Variants in EGFLAM observed in about 807,000 individuals in gnomAD.
EGFLAM encodes EGF like, fibronectin type III and laminin G domains, also known as pikachurin.
In EGFLAM, 79 loss-of-function variants were observed where a neutral mutation model predicts 113.1. That is an observed-to-expected ratio of 0.70 (90% CI 0.58 to 0.84). The LOEUF is 0.84. Among genes scored for constraint, EGFLAM ranks in the 40% least tolerant of loss-of-function variants. The probability of loss-of-function intolerance (pLI) is 0.00; values close to 1 mark genes in which losing one functional copy is unlikely to be tolerated. For synonymous variants in EGFLAM, 504 were observed against 487.6 expected, an observed-to-expected ratio of 1.03 and a Z score of -0.44; for missense variants, 1,265 against 1,291.6, an observed-to-expected ratio of 0.98 and a Z score of 0.32.
chr5:38,433,602 G>A lies in EGFLAM; in HGVS notation c.2167-1535G>A, dbSNP rs139308704. Among the ~76,000 whole-genome samples the A allele has an allele frequency of 2.9e-3, 445 of 152,338 alleles. 3 individuals are homozygous for A. The highest frequency in any genetic ancestry group is 0.01 in the African/African-American group (416 of 41,572). ...CAAAAGGAACTGCTCCTCACTCCAC[G>A]AGGCCCCGCTGCTGGACACAGCCAT... is the stretch of plus-strand genomic sequence containing the variant. On this transcript the variant is annotated intron_variant, in intron 15 of 21. Transcript: ENST00000322350.
chr5:38,292,636 G>A (rs1166716541), intron 1 of EGFLAM, among the ~76,000 whole-genome samples: 1 of 152,046 alleles, frequency 6.6e-6, no homozygotes, highest in Non-Finnish European at 1.5e-5. Context: ...GTACCCACCT[G>A]TACACATAGA....
At chr5:38,281,827 C>T (rs1758029757) in intron 1 of EGFLAM, among the ~76,000 whole-genome samples, 1 of 152,214 alleles carries the variant, frequency 6.6e-6, no homozygotes, top group Non-Finnish European at 1.5e-5. Flanking sequence ...GTGCTTGATA[C>T]ACTGTAGCTG....
chr5:38,430,215 C>G (rs570665081), intron 14 of EGFLAM: 2 of 156,348 alleles, frequency 1.3e-5, no homozygotes, highest in African/African-American at 2.4e-5. Flanking sequence ...ATTTTTTATG[C>G]GTTTCAAAGT....
At position 38,412,534 on chromosome 5, in the gene EGFLAM, C is replaced by A; in HGVS notation, c.1380C>A (p.Ile460=). The change falls in exon 11 of 22, where the codon ATC becomes ATA. Residue 460 remains isoleucine, a synonymous_variant. Transcript: ENST00000322350. The part of the protein sequence containing the change: ...RFNCGTGVAI[I]VSETKIKLGG... ...ATTGTGGAACTGGGGTTGCCATCAT[C>A]GTAAGTGAGACCAAAATCAAACTAG... 6.2e-7 allele frequency: 1 copy of A among 1,614,124 alleles called. No homozygotes were observed.
chr5:38,434,015 T>C (rs1206417267), intron 15 of EGFLAM, among the ~76,000 whole-genome samples: 1 of 152,180 alleles, frequency 6.6e-6, no homozygotes, highest in Non-Finnish European at 1.5e-5. Flanking sequence ...TTCTCTACCC[T>C]TGACATGACC....
chr5:38,354,371 T>C (rs1190705184), intron 5 of EGFLAM, among the ~76,000 whole-genome samples: 1 of 152,200 alleles, frequency 6.6e-6, no homozygotes, highest in Non-Finnish European at 1.5e-5. Flanking sequence ...ATTTATAATT[T>C]ACTTCCACAG....
rs780185014 is a variant in EGFLAM at position 38,352,150 on chromosome 5, G to A, written c.410-46G>A. 11 of 1,611,846 alleles carry A rather than the reference G, an allele frequency of 6.8e-6. No individual in the cohort carries two copies. In the African/African-American group the frequency reaches 1.2e-4, roughly 18 times the overall value. On this transcript the variant is annotated intron_variant, in intron 4 of 21. Coordinates refer to ENST00000322350, the MANE Select transcript of EGFLAM (RefSeq NM_152403.4). The stretch of plus-strand genomic sequence containing the variant: ...CCTAGCCCATTAAACCTCTCCAACG[G>A]CTGAGACCACCAGCCTAGTCTAGTT...
intron 12 of EGFLAM, among the ~76,000 whole-genome samples, chr5:38,420,738 C>T (rs1482334156): frequency 6.6e-6 from 1 of 152,170 alleles, no homozygotes; most frequent in African/African-American, 2.4e-5. Flanking sequence ...GCATGGCAAC[C>T]TCTGACAGGT....
intron 1 of EGFLAM, among the ~76,000 whole-genome samples, chr5:38,272,969 A>C (rs1192130312): frequency 6.6e-6 from 1 of 152,010 alleles, no homozygotes; most frequent in African/African-American, 2.4e-5. Flanking sequence ...AGGACTCTCC[A>C]GCAATCATTC....
At chr5:38,406,375 T>C (rs4346793) in intron 7 of EGFLAM, 134 bp downstream of exon 7, 100,707 of 753,306 alleles carry the variant, frequency 0.13, 12,019 homozygotes, top group African/African-American at 0.53. Context: ...TGATTTGTTT[T>C]GTCTGATGAT....
At chr5:38,321,995 C>T (rs906525077) in intron 1 of EGFLAM, among the ~76,000 whole-genome samples, 1 of 152,176 alleles carries the variant, frequency 6.6e-6, no homozygotes, top group African/African-American at 2.4e-5. Context: ...GTTCAAATTC[C>T]AATTTCTCAG....
At chr5:38,403,895 T>C in intron 6 of EGFLAM, 2 of 1,613,884 alleles carry the variant, frequency 1.2e-6, no homozygotes, top group African/African-American at 1.3e-5. Flanking sequence ...CATCCAGGTA[T>C]AAATCTGGCA....
intron 6 of EGFLAM, among the ~76,000 whole-genome samples, chr5:38,386,255 G>A (rs1179289164): frequency 1.3e-5 from 2 of 152,190 alleles, no homozygotes; most frequent in African/African-American, 4.8e-5. Flanking sequence ...GGAGTGCAAT[G>A]GCGCCATCTT....
intron 6 of EGFLAM, among the ~76,000 whole-genome samples, chr5:38,389,311 G>C (rs980887281): frequency 1.3e-5 from 2 of 152,152 alleles, no homozygotes; most frequent in African/African-American, 4.8e-5. Flanking sequence ...TTGAATACCA[G>C]AGTTTTTCTT....
chr5:38,337,589 A>G lies in EGFLAM; in HGVS notation c.167A>G (p.Lys56Arg), dbSNP rs780305435. 1 of 1,606,630 alleles carries G rather than the reference A, an allele frequency of 6.2e-7. No homozygotes were observed. The highest frequency in any genetic ancestry group is 1.1e-5 in the South Asian group (1 of 89,504). ...LNCTAFSIQW[K>R]MPRHPGSPIL... is the part of the protein sequence containing the mutation. ...TGTACGGCTTTCAGCATCCAGTGGA[A>G]AATGCCAAGGCATCCTGGAAGTCCC... Residue 56 changes from lysine (K) to arginine (R), a missense_variant, in exon 2 of 22, where the codon AAA becomes AGA. By Grantham distance (26) the Lys-to-Arg change is conservative. Transcript: ENST00000322350.
At chr5:38,387,460 A>T (rs1740695821) in intron 6 of EGFLAM, among the ~76,000 whole-genome samples, 1 of 152,076 alleles carries the variant, frequency 6.6e-6, no homozygotes. Flanking sequence ...CTTTTCTCTG[A>T]TCAGTAAGTT....
At position 38,352,318 on chromosome 5, in the gene EGFLAM, G is replaced by A; in HGVS notation, c.532G>A (p.Val178Met). ...AAGCGCCCCTATTCAGTACTATTCT[G>A]TGGAATTCATCAGGTAAGTCTGTAT... Reference protein sequence around the residue: ...EGSAPIQYYSVEFIRPDFDKK... With the variant: ...EGSAPIQYYSMEFIRPDFDKK... Residue 178 changes from valine (V) to methionine (M), a missense_variant, in exon 5 of 22, where the codon GTG becomes ATG. Physicochemically the swap from Val to Met is conservative, Grantham distance 21 (BLOSUM62 1). Transcript: ENST00000322350. The A allele has an allele frequency of 3.1e-6, 5 of 1,613,914 alleles. No homozygotes were observed. The highest frequency in any genetic ancestry group is 4.2e-6 in the Non-Finnish European group (5 of 1,179,916).
chr5:38,410,126 G>A (rs1166474923), intron 10 of EGFLAM, among the ~76,000 whole-genome samples: 1 of 152,218 alleles, frequency 6.6e-6, no homozygotes, highest in African/African-American at 2.4e-5. Context: ...CTGACCCAGA[G>A]CAAGTACTCA....
chr5:38,380,625 CA>C (rs1242237470), intron 6 of EGFLAM, among the ~76,000 whole-genome samples: 4 of 152,214 alleles, frequency 2.6e-5, no homozygotes, highest in African/African-American at 9.6e-5. Flanking sequence ...CCTGCATTTT[CA>C]GTTTGCATTT....
Sources: gnomAD v4.1 joint callset for allele counts (sites outside exome capture counted in the v4.1 genomes callset) on GRCh38, gnomAD v4.1.1 for gene constraint, MANE v1.5 for transcripts, NCBI Gene and HGNC (gene_info 2026-07-23, HGNC 2026-07-21) for gene names.